ITPR2: variants seen among roughly 807,000 people sequenced by gnomAD.
ITPR2 encodes the protein inositol 1,4,5-trisphosphate-gated calcium channel ITPR2.
In ITPR2, 207 loss-of-function variants were observed where a neutral mutation model predicts 317.1. The observed-to-expected ratio is 0.65, with a 90% CI of 0.58 to 0.73. The LOEUF is 0.73. Among genes scored for constraint, ITPR2 ranks in the 30% least tolerant of loss-of-function variants. The pLI, the probability that ITPR2 is intolerant of heterozygous loss-of-function variation, is 0.00. For synonymous variants in ITPR2, 1,156 were observed against 1,149.1 expected, an observed-to-expected ratio of 1.01 and a Z score of -0.12; for missense variants, 2,613 against 3,284.0, an observed-to-expected ratio of 0.80 and a Z score of 4.99.
intron 29 of ITPR2, 49 bp from the exon 30 acceptor site, chr12:26,599,394 TA>T: frequency 2.7e-6 from 4 of 1,505,998 alleles, no homozygotes; most frequent in Non-Finnish European, 3.7e-6. Flanking sequence ...ATCAATTTTC[TA>T]TTCTACAGTA....
intron 39 of ITPR2, among the ~76,000 whole-genome samples, chr12:26,492,177 A>G (rs1411239672): frequency 6.6e-6 from 1 of 152,218 alleles, no homozygotes; most frequent in Non-Finnish European, 1.5e-5. Flanking sequence ...AGAAGAAAGA[A>G]AAAGTCACTA....
At chr12:26,527,021 C>G (rs1943825465) in intron 37 of ITPR2, among the ~76,000 whole-genome samples, 1 of 152,216 alleles carries the variant, frequency 6.6e-6, no homozygotes, top group Admixed American at 6.5e-5. Flanking sequence ...TAGTACCAAA[C>G]AGCCCCTAAT....
intron 2 of ITPR2, among the ~76,000 whole-genome samples, chr12:26,778,918 T>C (rs577134801): frequency 6.6e-6 from 1 of 152,302 alleles, no homozygotes; most frequent in South Asian, 2.1e-4. Context: ...TGGCCCCTCC[T>C]ACAACCCAGA....
Position 26,659,256 on chromosome 12 carries a change from C to A in ITPR2, c.1743G>T (p.Met581Ile), listed in dbSNP as rs1398758278. 1 of 1,613,488 alleles carries A rather than the reference C, an allele frequency of 6.2e-7. No individual in the cohort carries two copies. The highest frequency in any genetic ancestry group is 8.5e-7 in the Non-Finnish European group (1 of 1,179,798). Residue 581 changes from methionine (M) to isoleucine (I), a missense_variant, in exon 16 of 57, where the codon ATG (methionine) becomes ATT (isoleucine). Met to Ile is a conservative substitution (Grantham distance 10). This residue lies in a region of ITPR2 where 515 missense variants were observed against 789.4 expected (regional missense o/e 0.65). Transcript: ENST00000381340. ...QEYIAKNFCV[M>I]QSQIGYDILA... ...AAATATCATAGCCAATCTGGGACTG[C>A]ATGACACAGAAATTCTTAGCAATAT... is the stretch of plus-strand genomic sequence containing the variant.
chr12:26,556,566 T>TTTTGTGTGTGTG (rs370599538), intron 35 of ITPR2, among the ~76,000 whole-genome samples, 191 bp from the exon 36 acceptor site: 2 of 136,198 alleles, frequency 1.5e-5, no homozygotes, highest in South Asian at 2.4e-4. Flanking sequence ...ATTTTTTTTT[T>TTTTGTGTGTGTG]TGTGTGTGTG....
At chr12:26,342,532 G>T in intron 55 of ITPR2, among the ~76,000 whole-genome samples, 1 of 136,398 alleles carries the variant, frequency 7.3e-6, no homozygotes, top group African/African-American at 2.9e-5. Context: ...AGATCCCTCA[G>T]GAATTGGCTT....
At chr12:26,832,502 C>A (rs890086152) in intron 1 of ITPR2, among the ~76,000 whole-genome samples, 188 bp downstream of exon 1, 12 of 152,246 alleles carry the variant, frequency 7.9e-5, no homozygotes, top group African/African-American at 2.7e-4. Flanking sequence ...AAAGTCTTGC[C>A]TCTCAGGGCA....
chr12:26,657,948 C>T, intron 17 of ITPR2, 56 bp from the exon 18 acceptor site: 2 of 1,603,434 alleles, frequency 1.2e-6, no homozygotes, highest in Middle Eastern at 1.7e-4. Context: ...GTAAATATGA[C>T]AAAGAATTAC....
chr12:26,492,925 A>C (rs200536164), intron 39 of ITPR2, among the ~76,000 whole-genome samples: 1 of 141,750 alleles, frequency 7.1e-6, no homozygotes. Flanking sequence ...GTGTGTATAT[A>C]TATATATATA....
chr12:26,428,069 G>C lies in ITPR2; in HGVS notation c.6789C>G (p.Phe2263Leu). The change falls in exon 49 of 57, where the codon TTC becomes TTG. Residue 2263 changes from phenylalanine to leucine, a missense_variant. Physicochemically the swap from Phe to Leu is conservative, Grantham distance 22. Transcript: ENST00000381340. The part of the protein sequence containing the change: ...DGDEGTLSPL[F>L]SVLLWIAVAI... Reference sequence around the variant, plus strand: ...CAACTGCTATCCAAAGAAGAACCGAGAACAATGGAGAAAGTGTACCTGTAA... The same window carrying C: ...CAACTGCTATCCAAAGAAGAACCGACAACAATGGAGAAAGTGTACCTGTAA... 6.2e-7 allele frequency: 1 copy of C among 1,600,674 alleles called. No homozygotes were observed. The highest frequency in any genetic ancestry group is 8.5e-7 in the Non-Finnish European group (1 of 1,175,488).
At chr12:26,446,684 TG>T (rs1436026484) in intron 45 of ITPR2, among the ~76,000 whole-genome samples, 1 of 143,640 alleles carries the variant, frequency 7.0e-6, no homozygotes, top group Non-Finnish European at 1.5e-5. Flanking sequence ...GACATGATTC[TG>T]CATTTGTCTA....
intron 29 of ITPR2, 95 bp from the exon 30 acceptor site, chr12:26,599,440 T>C: frequency 9.1e-7 from 1 of 1,095,990 alleles, no homozygotes; most frequent in South Asian, 1.4e-5. Context: ...ATCAGTTTTA[T>C]ATTTTATACG....
intron 24 of ITPR2, 148 bp downstream of exon 24, chr12:26,624,151 G>A: frequency 1.7e-6 from 1 of 575,534 alleles, no homozygotes; most frequent in South Asian, 2.5e-5. Context: ...GAGTAAATTA[G>A]CAGCTTCATT....
At chr12:26,601,646 C>T (rs1026065980) in intron 28 of ITPR2, among the ~76,000 whole-genome samples, 7 of 152,074 alleles carry the variant, frequency 4.6e-5, no homozygotes, top group African/African-American at 1.4e-4. Flanking sequence ...CAAACCCATA[C>T]TGATAAAAAT....
chr12:26,456,826 T>A (rs1941898804), intron 45 of ITPR2, among the ~76,000 whole-genome samples: 2 of 152,084 alleles, frequency 1.3e-5, no homozygotes, highest in African/African-American at 4.8e-5. Context: ...GCACTTGCCA[T>A]CACGCCCGGC....
Position 26,487,049 on chromosome 12 carries a change from T to A in ITPR2, c.5554+19A>T. The A allele has an allele frequency of 6.2e-7, 1 of 1,601,970 alleles. No individual in the cohort carries two copies. The highest frequency in any genetic ancestry group is 8.6e-7 in the Non-Finnish European group (1 of 1,169,446). ...TTTTCTCTCACTCTGTTCTCCCAAA[T>A]ACTCAAATACTTCTTTACCTCTCAT... On this transcript the variant is annotated intron_variant, in intron 40 of 56. Transcript: ENST00000381340.
At chr12:26,512,300 T>C (rs1332291526) in intron 37 of ITPR2, among the ~76,000 whole-genome samples, 1 of 151,894 alleles carries the variant, frequency 6.6e-6, no homozygotes, top group East Asian at 1.9e-4. Flanking sequence ...ACTCTGGCAA[T>C]GTAAATTGAT....
At chr12:26,477,032 T>C (rs1225803298) in intron 43 of ITPR2, 25 bp from the exon 44 acceptor site, 3 of 1,431,618 alleles carry the variant, frequency 2.1e-6, no homozygotes, top group African/African-American at 2.8e-5. Context: ...TGAGTTAATG[T>C]GCATGCAAAG....
Position 26,757,755 on chromosome 12 carries a change from A to G in ITPR2, c.164-31990T>C, listed in dbSNP as rs1949552843. Among the ~76,000 whole-genome samples the G allele has an allele frequency of 2.6e-5, 4 of 152,330 alleles. No individual in the cohort carries two copies. The South Asian group carries it at 8.3e-4, about 32-fold the overall frequency. ...CTTTGCATGACTTTTGAAATACATG[A>G]AAATACTTAATTCAACCGTTATTCT... is the stretch of plus-strand genomic sequence containing the variant. On this transcript the variant is annotated intron_variant, in intron 2 of 56. Coordinates refer to ENST00000381340, the MANE Select transcript of ITPR2 (RefSeq NM_002223.4).
Sources: allele counts gnomAD v4.1 joint callset (sites outside exome capture counted in the v4.1 genomes callset), GRCh38; gene constraint gnomAD v4.1.1; regional missense constraint gnomAD v4.1.1; transcripts MANE v1.5; gene names NCBI Gene and HGNC (gene_info 2026-07-23, HGNC 2026-07-21).